ROBO2: variants seen among roughly 807,000 people sequenced by gnomAD.
The protein encoded by ROBO2 is roundabout homolog 2.
Under a neutral mutation model 160.8 loss-of-function variants are expected in ROBO2, and 53 were observed. The observed-to-expected ratio is 0.33, with a 90% CI of 0.26 to 0.41. ROBO2 has a LOEUF of 0.41. Among genes scored for constraint, ROBO2 ranks in the 10% least tolerant of loss-of-function variants. ROBO2 has a pLI of 1.00. For synonymous variants in ROBO2, 664 were observed against 611.7 expected (o/e 1.09, Z -1.26); for missense variants, 1,577 against 1,722.4 (o/e 0.92, Z 1.49).
At chr3:77,237,411 T>TTGTTTTGTGTGTGTGTGTG (rs1553862751) in intron 2 of ROBO2, among the ~76,000 whole-genome samples, 40 of 131,120 alleles carry the variant, frequency 3.1e-4, no homozygotes, top group Admixed American at 1.8e-3. Flanking sequence ...TTGTTTTGTT[T>TTGTTTTGTGTGTGTGTGTG]TGTGTGTGTG....
At chr3:76,751,024 C>G (rs972366586) in intron 2 of ROBO2, among the ~76,000 whole-genome samples, 2 of 152,148 alleles carry the variant, frequency 1.3e-5, no homozygotes, top group Non-Finnish European at 2.9e-5. Flanking sequence ...CTGGAGGCAT[C>G]ACGCTACCTG....
chr3:77,180,690 T>A (rs2080694332), intron 2 of ROBO2, among the ~76,000 whole-genome samples: 1 of 151,930 alleles, frequency 6.6e-6, no homozygotes, highest in African/African-American at 2.4e-5. Flanking sequence ...TATCTCTACA[T>A]AATTTAAAGA....
At chr3:76,981,037 T>G (rs2149326908) in intron 2 of ROBO2, among the ~76,000 whole-genome samples, 1 of 152,356 alleles carries the variant, frequency 6.6e-6, no homozygotes, top group Non-Finnish European at 1.5e-5. Context: ...TTTCGTCGCC[T>G]AATAATGTTC....
In ROBO2 at chr3:76,049,403, A is replaced by ATTTTTTTTTTTTTTTT. The variant is rs1167852972; in HGVS notation, c.109+111807_109+111822dup. ...TTTTAGTATATATATATATATATAT[A>ATTTTTTTTTTTTTTTT]TTTTTTTTTTTTTTTTTTTTTGTAG... On this transcript the variant is annotated intron_variant, in intron 2 of 26. Coordinates refer to the ROBO2 transcript ENST00000487694. Among the ~76,000 whole-genome samples, 6 of 53,758 alleles carry ATTTTTTTTTTTTTTTT rather than the reference A, an allele frequency of 1.1e-4. 1 individual carries two copies. Among genetic ancestry groups the ATTTTTTTTTTTTTTTT allele is most frequent in the African/African-American group, 2.9e-4 (2 of 6,858 alleles). 35.3% of individuals were successfully genotyped at this position (53,758 alleles called of 152,430 possible). A position where few individuals can be genotyped will look rare whatever the true frequency, so the allele number is the denominator to read the frequency against.
intron 2 of ROBO2, among the ~76,000 whole-genome samples, chr3:77,396,236 C>T (rs2075274081): frequency 6.6e-6 from 1 of 151,840 alleles, no homozygotes; most frequent in Non-Finnish European, 1.5e-5. Flanking sequence ...ATTTCCAATG[C>T]CATTGAAACA....
At chr3:77,168,839 AC>A (rs2079353547) in intron 2 of ROBO2, among the ~76,000 whole-genome samples, 2 of 152,154 alleles carry the variant, frequency 1.3e-5, no homozygotes, top group East Asian at 3.9e-4. Flanking sequence ...ATTCCAGTCT[AC>A]CTCAGGGAAG....
intron 2 of ROBO2, among the ~76,000 whole-genome samples, chr3:76,727,720 C>T (rs975258123): frequency 6.6e-6 from 1 of 151,894 alleles, no homozygotes; most frequent in African/African-American, 2.4e-5. Context: ...GAGTAGAATG[C>T]TAGATACAGA....
At chr3:77,635,075 G>C in intron 24 of ROBO2, 32 bp downstream of exon 25, 2 of 1,607,930 alleles carry the variant, frequency 1.2e-6, no homozygotes, top group South Asian at 1.1e-5. Flanking sequence ...TTGTTTCCTC[G>C]CTGAAGAGAC....
intron 2 of ROBO2, among the ~76,000 whole-genome samples, chr3:76,456,581 C>T (rs1428969517): frequency 6.6e-6 from 1 of 152,148 alleles, no homozygotes; most frequent in African/African-American, 2.4e-5. Context: ...TGCCAGTTGG[C>T]ATATGAATCA....
At chr3:77,108,961 A>G (rs566874392) in intron 2 of ROBO2, among the ~76,000 whole-genome samples, 7 of 152,276 alleles carry the variant, frequency 4.6e-5, no homozygotes, top group East Asian at 3.9e-4. Context: ...AAAAGGAGAC[A>G]TGATAAACAC....
chr3:75,963,438 C>T (rs1397145970), intron 2 of ROBO2, among the ~76,000 whole-genome samples: 1 of 151,802 alleles, frequency 6.6e-6, no homozygotes, highest in African/African-American at 2.4e-5. Flanking sequence ...CTCAAGTGAT[C>T]CTCCCACCTT....
At chr3:76,545,978 G>A (rs1372471316) in intron 2 of ROBO2, among the ~76,000 whole-genome samples, 1 of 151,618 alleles carries the variant, frequency 6.6e-6, no homozygotes, top group African/African-American at 2.4e-5. Context: ...GGTATTTTTT[G>A]TTGTTACTTT....
At chr3:77,617,655 G>A (rs753791038) in exon 22 of ROBO2, 3 of 1,614,126 alleles carry the variant, frequency 1.9e-6, no homozygotes, top group Non-Finnish European at 2.5e-6. Flanking sequence ...TATCTCCTTT[G>A]GACAGCAGTC....
At chr3:76,070,063 A>T (rs910441449) in intron 2 of ROBO2, among the ~76,000 whole-genome samples, 1 of 152,144 alleles carries the variant, frequency 6.6e-6, no homozygotes, top group Non-Finnish European at 1.5e-5. Context: ...CTCAGGACCA[A>T]GTGATAATTG....
At chr3:76,783,276 C>T (rs2062766200) in intron 2 of ROBO2, among the ~76,000 whole-genome samples, 2 of 150,850 alleles carry the variant, frequency 1.3e-5, no homozygotes, top group Non-Finnish European at 3.0e-5. Context: ...TTTTAACTTT[C>T]ATAGTAGAGT....
chr3:76,563,212 G>C (rs2108509388), intron 2 of ROBO2, among the ~76,000 whole-genome samples: 1 of 152,154 alleles, frequency 6.6e-6, no homozygotes, highest in South Asian at 2.1e-4. Context: ...AGAAAAAATG[G>C]ATATTTAGCT....
chr3:76,320,016 A>T (rs2107868078), intron 2 of ROBO2, among the ~76,000 whole-genome samples: 1 of 152,080 alleles, frequency 6.6e-6, no homozygotes, highest in Non-Finnish European at 1.5e-5. Context: ...TTTAGGCAGG[A>T]TATGGTTTAT....
At chr3:77,135,741 G>A (rs1254663700) in intron 2 of ROBO2, among the ~76,000 whole-genome samples, 1 of 152,122 alleles carries the variant, frequency 6.6e-6, no homozygotes, top group East Asian at 1.9e-4. Context: ...GTTGACTGTA[G>A]AATGTTTCTG....
chr3:77,328,966 A>G (rs931701964), intron 2 of ROBO2, among the ~76,000 whole-genome samples: 5 of 152,194 alleles, frequency 3.3e-5, no homozygotes, highest in Non-Finnish European at 7.3e-5. Flanking sequence ...ACAATGCTGG[A>G]ACACAACTTT....
Sources: gnomAD v4.1 joint callset for allele counts (sites outside exome capture counted in the v4.1 genomes callset) on GRCh38, gnomAD v4.1.1 for gene constraint, MANE v1.5 for transcripts, NCBI Gene and HGNC (gene_info 2026-07-23, HGNC 2026-07-21) for gene names.